The following NALF1 variants were observed in gnomAD, a reference collection of about 807,000 sequenced individuals.
The protein encoded by NALF1 is NALCN channel auxiliary factor 1.
In NALF1, 3 loss-of-function variants were observed where a neutral mutation model predicts 48.4. The observed-to-expected ratio is 0.06, with a 90% CI of 0.03 to 0.16. The LOEUF (loss-of-function observed/expected upper bound fraction) is 0.16. Ranked by LOEUF, NALF1 falls within the 10% of genes least tolerant of loss-of-function variation. The pLI is 1.00. For missense variants in NALF1, 526 were observed against 571.5 expected (o/e 0.92, Z 0.81); for synonymous variants, 262 against 245.7 (o/e 1.07, Z -0.62).
chr13:107,403,188 C>CTTTTTTTTTTTTTTTTGTTTTTTTTTTTT, intron 1 of NALF1, among the ~76,000 whole-genome samples: 1 of 42,476 alleles, frequency 2.4e-5, no homozygotes. Flanking sequence ...CTTGTTCGGG[C>CTTTTTTTTTTTTTTTTGTTTTTTTTTTTT]TTTTTTTTTT....
At chr13:107,698,290 A>G (rs181198311) in intron 1 of NALF1, among the ~76,000 whole-genome samples, 3 of 152,272 alleles carry the variant, frequency 2.0e-5, no homozygotes, top group Admixed American at 1.3e-4. Context: ...TTGTTGGTCA[A>G]AAGGATATAT....
chr13:107,298,455 C>CA (rs1881770232), intron 1 of NALF1, among the ~76,000 whole-genome samples: 1 of 148,610 alleles, frequency 6.7e-6, no homozygotes, highest in Non-Finnish European at 1.5e-5. Flanking sequence ...TGTTTTGAGA[C>CA]AGAGTCTCAC....
chr13:107,299,471 T>TAATAATAAA (rs1199620956), intron 1 of NALF1, among the ~76,000 whole-genome samples: 1 of 51,498 alleles, frequency 1.9e-5, no homozygotes. Flanking sequence ...ATAATAATAA[T>TAATAATAAA]AAATAAATAA....
At chr13:107,835,069 G>A (rs1879850228) in intron 1 of NALF1, among the ~76,000 whole-genome samples, 1 of 152,166 alleles carries the variant, frequency 6.6e-6, no homozygotes, top group South Asian at 2.1e-4. Context: ...GAGAAAATAT[G>A]CAATCACGTA....
At chr13:107,229,593 G>A (rs760502718) in intron 1 of NALF1, among the ~76,000 whole-genome samples, 1 of 152,142 alleles carries the variant, frequency 6.6e-6, no homozygotes, top group Non-Finnish European at 1.5e-5. Flanking sequence ...CAAAGTGGGT[G>A]AGGAATTTGG....
chr13:107,320,891 A>G (rs9301212), intron 1 of NALF1: 9,884 of 160,542 alleles, frequency 0.062, 539 homozygotes, highest in African/African-American at 0.14. Flanking sequence ...TTATTTTTCA[A>G]ACTCACAGCT....
At chr13:107,258,912 T>A (rs373971124) in intron 1 of NALF1, among the ~76,000 whole-genome samples, 33 of 152,168 alleles carry the variant, frequency 2.2e-4, no homozygotes, top group African/African-American at 7.5e-4. Context: ...AGTATGCTCA[T>A]GATGAAACAG....
intron 1 of NALF1, among the ~76,000 whole-genome samples, chr13:107,421,222 G>T (rs1884180988): frequency 6.6e-6 from 1 of 152,124 alleles, no homozygotes; most frequent in African/African-American, 2.4e-5. Flanking sequence ...TCTTCGTAGA[G>T]CTCAGATGAT....
chr13:107,540,551 G>A (rs1017141096), intron 1 of NALF1, among the ~76,000 whole-genome samples: 11 of 152,042 alleles, frequency 7.2e-5, no homozygotes, highest in African/African-American at 2.4e-4. Flanking sequence ...TTTTAGAAAA[G>A]GGAACAATTT....
chr13:107,740,791 T>C (rs921491541), intron 1 of NALF1, among the ~76,000 whole-genome samples: 1 of 152,230 alleles, frequency 6.6e-6, no homozygotes, highest in Non-Finnish European at 1.5e-5. Context: ...CAATCCTTGC[T>C]AGCTTTTTTA....
chr13:107,242,449 T>G (rs530705396), intron 1 of NALF1, among the ~76,000 whole-genome samples: 6 of 152,356 alleles, frequency 3.9e-5, no homozygotes, highest in African/African-American at 1.4e-4. Flanking sequence ...AACAGGCACC[T>G]CTGGGACAAG....
Position 107,177,105 on chromosome 13 carries a change from GA to G in NALF1, c.1088-6320del, listed in dbSNP as rs544325669. Among the ~76,000 whole-genome samples, 320 of 151,970 alleles carry G rather than the reference GA, an allele frequency of 2.1e-3. 2 individuals are homozygous for G. The highest frequency in any genetic ancestry group is 0.01 in the Middle Eastern group (3 of 294). On this transcript the variant is annotated intron_variant, in intron 2 of 2. Transcript: ENST00000375915. ...GTGAAAAATCTGAAAAAGAAATAAA[GA>G]AAGTTATCCCATTTATGATAGCTAC...
At chr13:107,554,018 A>T (rs1877377732) in intron 1 of NALF1, among the ~76,000 whole-genome samples, 1 of 152,226 alleles carries the variant, frequency 6.6e-6, no homozygotes, top group Non-Finnish European at 1.5e-5. Context: ...CATGCCATGG[A>T]GCTATCCAGC....
intron 2 of NALF1, among the ~76,000 whole-genome samples, chr13:107,191,117 C>T (rs565634642): frequency 1.3e-5 from 2 of 152,304 alleles, no homozygotes; most frequent in South Asian, 4.1e-4. Flanking sequence ...TGATTTACTT[C>T]ATCTGACGGC....
At chr13:107,417,310 G>A (rs1346684613) in intron 1 of NALF1, among the ~76,000 whole-genome samples, 1 of 152,100 alleles carries the variant, frequency 6.6e-6, no homozygotes, top group Non-Finnish European at 1.5e-5. Context: ...GTGAGTTCTT[G>A]TTCTATCAGG....
chr13:107,770,658 T>C (rs983089752), intron 1 of NALF1, among the ~76,000 whole-genome samples: 7 of 152,194 alleles, frequency 4.6e-5, no homozygotes, highest in African/African-American at 1.7e-4. Context: ...TTCTCCAAAA[T>C]GCAGGGTTTA....
chr13:107,404,480 A>T (rs1051266385), intron 1 of NALF1, among the ~76,000 whole-genome samples: 3 of 152,134 alleles, frequency 2.0e-5, no homozygotes, highest in Non-Finnish European at 4.4e-5. Flanking sequence ...TTAAATTAAA[A>T]TTGACCTACA....
chr13:107,258,869 A>G (rs1880873448), intron 1 of NALF1, among the ~76,000 whole-genome samples: 1 of 152,186 alleles, frequency 6.6e-6, no homozygotes, highest in African/African-American at 2.4e-5. Flanking sequence ...GCACAGACAC[A>G]GAAAGAACTC....
At chr13:107,847,882 A>G (rs865795121) in intron 1 of NALF1, among the ~76,000 whole-genome samples, 9 of 152,252 alleles carry the variant, frequency 5.9e-5, no homozygotes, top group African/African-American at 2.2e-4. Flanking sequence ...TTTGTTACAC[A>G]GCAATAGATA....
Sources: allele counts gnomAD v4.1 joint callset (sites outside exome capture counted in the v4.1 genomes callset), GRCh38; gene constraint gnomAD v4.1.1; transcripts MANE v1.5; gene names NCBI Gene and HGNC (gene_info 2026-07-23, HGNC 2026-07-21).